Variants in SPEF2 observed in about 807,000 individuals in gnomAD.
The protein encoded by SPEF2 is sperm flagella and cilia-associated protein 2.
Under a neutral mutation model 224.6 loss-of-function variants are expected in SPEF2, and 187 were observed. The ratio of observed to expected loss-of-function variants is 0.83; its 90% CI spans 0.74 to 0.94. The LOEUF is 0.94. Ranked by LOEUF, SPEF2 falls within the 40% of genes least tolerant of loss-of-function variation. The probability of loss-of-function intolerance (pLI) is 0.00; values close to 1 mark genes in which losing one functional copy is unlikely to be tolerated. For missense variants in SPEF2, 2,170 were observed against 2,135.6 expected (o/e 1.02, Z -0.32); for synonymous variants, 715 against 707.3 (o/e 1.01, Z -0.17).
At chr5:35,751,003 A>G (rs1443015065) in intron 23 of SPEF2, among the ~76,000 whole-genome samples, 5 of 128,766 alleles carry the variant, frequency 3.9e-5, no homozygotes, top group African/African-American at 1.2e-4. Context: ...ATATGTATAT[A>G]TATATATACG....
chr5:35,734,702 T>C (rs889931865), intron 21 of SPEF2, among the ~76,000 whole-genome samples: 75 of 28,408 alleles, frequency 2.6e-3, no homozygotes, highest in African/African-American at 6.6e-3. Context: ...ATTGCTTTCT[T>C]TTTTTTCTTT....
chr5:35,644,754 A>G (rs928162256), intron 4 of SPEF2, among the ~76,000 whole-genome samples: 3 of 152,014 alleles, frequency 2.0e-5, no homozygotes, highest in African/African-American at 7.2e-5. Flanking sequence ...AAGAACTGCC[A>G]TCTTCTGGAG....
Position 35,697,791 on chromosome 5 carries a change from T to C in SPEF2, c.2139T>C (p.Ile713=). The change falls in exon 15 of 37, where the codon ATT becomes ATC. Residue 713 remains isoleucine (I), a splice_region_variant and synonymous_variant. Transcript: ENST00000356031. ...VLLVDIIVNA[I]NEIPVNQDCI... ...TTGTTGACATCATAGTAAATGCTAT[T>C]AAGTATGTATTGCATTTTTCTTCCT... is the stretch of plus-strand genomic sequence containing the variant. The C allele has an allele frequency of 6.2e-7, 1 of 1,600,354 alleles. No individual in the cohort carries two copies. Among genetic ancestry groups the C allele is most frequent in the South Asian group, 1.1e-5 (1 of 90,270 alleles).
At chr5:35,648,562 G>C (rs1450930354) in intron 5 of SPEF2, among the ~76,000 whole-genome samples, 1 of 151,944 alleles carries the variant, frequency 6.6e-6, no homozygotes, top group Non-Finnish European at 1.5e-5. Context: ...CTGGGCTCAA[G>C]CAAACCACTG....
intron 32 of SPEF2, among the ~76,000 whole-genome samples, chr5:35,793,550 A>G (rs1396906923): frequency 6.6e-6 from 1 of 152,246 alleles, no homozygotes; most frequent in South Asian, 2.1e-4. Flanking sequence ...TGAAAAAGTC[A>G]GAACTTCCAG....
At chr5:35,760,708 A>C (rs4869464) in intron 25 of SPEF2, among the ~76,000 whole-genome samples, 81,176 of 152,002 alleles carry the variant, frequency 0.53, 24,470 homozygotes, top group Middle Eastern at 0.7. Flanking sequence ...GGGGCAAAGG[A>C]AAGGCAAGAT....
At chr5:35,680,874 C>A (rs1189618094) in intron 10 of SPEF2, among the ~76,000 whole-genome samples, 1 of 152,178 alleles carries the variant, frequency 6.6e-6, no homozygotes, top group Non-Finnish European at 1.5e-5. Context: ...GTTTGGGTGT[C>A]TGGAGTCACT....
chr5:35,734,794 C>G (rs1055651663), intron 21 of SPEF2, among the ~76,000 whole-genome samples: 7 of 151,078 alleles, frequency 4.6e-5, no homozygotes, highest in Admixed American at 1.3e-4. Context: ...TCACTGCAAC[C>G]TCCGCCTCCC....
At chr5:35,648,628 A>T (rs1274761089) in intron 5 of SPEF2, among the ~76,000 whole-genome samples, 1 of 152,178 alleles carries the variant, frequency 6.6e-6, no homozygotes, top group East Asian at 1.9e-4. Flanking sequence ...ATCTGGCCTG[A>T]TTAAAGTTTT....
At position 35,700,749 on chromosome 5, in the gene SPEF2, A is replaced by G. The variant is rs1580343897; in HGVS notation, c.2395A>G (p.Ile799Val). The G allele has an allele frequency of 6.2e-7, 1 of 1,613,276 alleles. No individual in the cohort carries two copies. The stretch of plus-strand genomic sequence containing the variant: ...CTCAATGAGTCGCATGAATGATATT[A>G]TAGGTAAGCTGGACACCTTTTTTGA... ...TSSMSRMNDI[I>V]AEELSYKTAH... The change falls in exon 16 of 37, where the codon ATA becomes GTA. Residue 799 changes from isoleucine (I) to valine (V), a missense_variant. Coordinates refer to ENST00000356031, the MANE Select transcript of SPEF2 (RefSeq NM_024867.4).
At chr5:35,804,140 C>T (rs1757783173) in intron 34 of SPEF2, among the ~76,000 whole-genome samples, 1 of 152,210 alleles carries the variant, frequency 6.6e-6, no homozygotes, top group African/African-American at 2.4e-5. Context: ...CTCTTCTGCT[C>T]TTTGAGGCTT....
At chr5:35,774,464 T>C (rs1336630621) in intron 28 of SPEF2, among the ~76,000 whole-genome samples, 1 of 152,092 alleles carries the variant, frequency 6.6e-6, no homozygotes, top group Admixed American at 6.6e-5. Flanking sequence ...AACTAAAGGC[T>C]AACAGGCCCT....
chr5:35,784,340 G>A (rs1015211945), intron 30 of SPEF2, among the ~76,000 whole-genome samples: 2 of 152,228 alleles, frequency 1.3e-5, no homozygotes, highest in East Asian at 3.9e-4. Context: ...ATGTTAGCCA[G>A]GATGGCCTCC....
chr5:35,804,008 C>G (rs966630818), intron 34 of SPEF2, among the ~76,000 whole-genome samples: 1 of 152,190 alleles, frequency 6.6e-6, no homozygotes, highest in Admixed American at 6.5e-5. Context: ...TTCGTTCTGC[C>G]ACCTGTGTGG....
intron 7 of SPEF2, among the ~76,000 whole-genome samples, chr5:35,656,978 T>C (rs1325185529): frequency 6.6e-6 from 1 of 152,238 alleles, no homozygotes; most frequent in Admixed American, 6.5e-5. Flanking sequence ...CAAGAGATCC[T>C]GGTCCACAGT....
Position 35,705,982 on chromosome 5 carries a change from A to G in SPEF2, c.2665+174A>G, listed in dbSNP as rs901621569. Among the ~76,000 whole-genome samples the G allele has an allele frequency of 6.1e-5, 5 of 82,578 alleles. No individual in the cohort carries two copies. The East Asian group carries it at 1.7e-3, about 28-fold the overall frequency. The allele number at this position is 82,578 out of a possible 152,430, so 54.2% of individuals were successfully genotyped here. On this transcript the variant is annotated intron_variant, in intron 18 of 36. Coordinates refer to ENST00000356031, the MANE Select transcript of SPEF2 (RefSeq NM_024867.4). ...CTTTCTGTTGTATATGTTTCCGAATAAAAGATTTTTTCTCTCTCTTATTTT... is the reference window on the plus strand; with the variant it reads ...CTTTCTGTTGTATATGTTTCCGAATGAAAGATTTTTTCTCTCTCTTATTTT...
Position 35,704,552 on chromosome 5 carries a change from A to G in SPEF2, c.2399-2A>G. ...TCTAATTAAATAAATTTTATACCAT[A>G]GCTGAAGAATTGTCCTATAAAACTG... On this transcript the variant is annotated splice_acceptor_variant, in intron 16 of 36. Transcript: ENST00000356031. LOFTEE classifies it high-confidence loss of function. 2 of 1,594,802 alleles carry G rather than the reference A, an allele frequency of 1.3e-6. 1 individual carries two copies. Among genetic ancestry groups the G allele is most frequent in the South Asian group, 2.3e-5 (2 of 87,426 alleles).
chr5:35,758,071 C>T (rs1265743618), intron 24 of SPEF2, among the ~76,000 whole-genome samples: 2 of 152,080 alleles, frequency 1.3e-5, no homozygotes, highest in African/African-American at 4.8e-5. Context: ...TTTATTTGTT[C>T]TGAACTGTGA....
chr5:35,696,708 T>A (rs1755380271), intron 14 of SPEF2, among the ~76,000 whole-genome samples: 2 of 152,040 alleles, frequency 1.3e-5, no homozygotes, highest in African/African-American at 4.8e-5. Flanking sequence ...GAGATAAATA[T>A]GATATTGAAG....
Sources: gnomAD v4.1 joint callset for allele counts (sites outside exome capture counted in the v4.1 genomes callset) on GRCh38, gnomAD v4.1.1 for gene constraint, MANE v1.5 for transcripts, NCBI Gene and HGNC (gene_info 2026-07-23, HGNC 2026-07-21) for gene names.